SYN1: variants seen among roughly 807,000 people sequenced by gnomAD.
SYN1 encodes the protein synapsin I.
In SYN1, 8 loss-of-function variants were observed where a neutral mutation model predicts 44.6. The observed-to-expected ratio is 0.18, with a 90% confidence interval of 0.11 to 0.32. SYN1 has a LOEUF of 0.32. Ranked by LOEUF, SYN1 falls within the 10% of genes least tolerant of loss-of-function variation. The pLI is 1.00. For synonymous variants in SYN1, 275 were observed against 280.1 expected, an observed-to-expected ratio of 0.98 and a Z score of 0.18; for missense variants, 451 against 639.4, an observed-to-expected ratio of 0.71 and a Z score of 3.18.
Position 47,576,485 on chromosome X carries a change from T to C in SYN1, c.980+13A>G. The C allele has an allele frequency of 8.3e-7, 1 of 1,211,984 alleles. No homozygotes were observed. Among genetic ancestry groups the C allele is most frequent in the Non-Finnish European group, 1.1e-6 (1 of 895,577 alleles). On this transcript the variant is annotated intron_variant, in intron 7 of 12. Coordinates refer to ENST00000295987, the MANE Select transcript of SYN1 (RefSeq NM_006950.3). ...CAGGGGACCCCTTCCAGGGCTTTGG[T>C]CTCTCCACTCACATGTAGGCCTTGT...
At chrX:47,608,825 G>C (rs1489895044) in intron 1 of SYN1, among the ~76,000 whole-genome samples, 1 of 108,461 alleles carries the variant, frequency 9.2e-6, no homozygotes, top group Admixed American at 9.9e-5. Flanking sequence ...AGGGGGATGA[G>C]GGGGAGAGAC....
At chrX:47,596,404 AACCACAAAT>A (rs1438660878) in intron 5 of SYN1, among the ~76,000 whole-genome samples, 16 of 112,676 alleles carry the variant, frequency 1.4e-4, no homozygotes, top group African/African-American at 5.2e-4. Context: ...GAATCTAGAA[AACCACAAAT>A]ACGCATAAGG....
intron 1 of SYN1, among the ~76,000 whole-genome samples, chrX:47,607,960 G>A (rs1203751165): frequency 9.1e-6 from 1 of 110,247 alleles, no homozygotes; most frequent in East Asian, 2.8e-4. Flanking sequence ...GACCCAGGAG[G>A]CGGAAGTTGC....
intron 5 of SYN1, among the ~76,000 whole-genome samples, chrX:47,593,192 C>CG (rs2057853631): frequency 1.8e-5 from 2 of 109,750 alleles, no homozygotes; most frequent in Non-Finnish European, 3.8e-5. Flanking sequence ...CCGTGCTCAC[C>CG]CTTAATGTGG....
At chrX:47,579,664 G>C (rs1358787432) in intron 5 of SYN1, among the ~76,000 whole-genome samples, 3 of 111,543 alleles carry the variant, frequency 2.7e-5, no homozygotes, top group Non-Finnish European at 5.7e-5. Context: ...TGCTGACTCA[G>C]GTTTCAAAGA....
chrX:47,585,405 G>C, intron 5 of SYN1: 1 of 1,201,015 alleles, frequency 8.3e-7, no homozygotes, highest in Non-Finnish European at 1.1e-6. Context: ...ACGAGGGGGC[G>C]AGGCTCTGAT....
At chrX:47,604,834 C>G in intron 5 of SYN1, 144 bp downstream of exon 5, 3 of 555,448 alleles carry the variant, frequency 5.4e-6, no homozygotes, top group Non-Finnish European at 9.2e-6. Context: ...CACGGTAGAC[C>G]CTATCACAAA....
chrX:47,615,655 C>T (rs1355631367), intron 1 of SYN1, among the ~76,000 whole-genome samples: 1 of 111,856 alleles, frequency 8.9e-6, no homozygotes, highest in Non-Finnish European at 1.9e-5. Flanking sequence ...GCCTGTAATC[C>T]CAGCACTCTG....
intron 5 of SYN1, among the ~76,000 whole-genome samples, chrX:47,600,900 T>A (rs2057877785): frequency 8.9e-6 from 1 of 111,741 alleles, no homozygotes; most frequent in Non-Finnish European, 1.9e-5. Context: ...TAAAGGAGAA[T>A]TCATAGTTGT....
intron 5 of SYN1, chrX:47,586,698 C>A (rs1448545773): frequency 8.3e-7 from 1 of 1,206,200 alleles, no homozygotes; most frequent in South Asian, 1.8e-5. Flanking sequence ...CTGAATCCTG[C>A]CCGGAGTGGA....
chrX:47,616,382 T>G (rs2057931470), intron 1 of SYN1, among the ~76,000 whole-genome samples: 1 of 111,259 alleles, frequency 9.0e-6, no homozygotes, highest in African/African-American at 3.3e-5. Context: ...AAAGAAAAAA[T>G]GGAAAACATT....
rs144887633 is a variant in SYN1 at position 47,578,991 on chromosome X, G to A, written c.775-1490C>T. Among the ~76,000 whole-genome samples, 419 of 112,089 alleles carry A rather than the reference G, an allele frequency of 3.7e-3. 3 individuals carry two copies. The highest frequency in any genetic ancestry group is 0.011 in the African/African-American group (352 of 30,803). ...GGCAGCGGGCCAGGGAAACGATGCC[G>A]AGGCGGATGCATACAGTACCACCCA... On this transcript the variant is annotated intron_variant, in intron 5 of 12. Transcript: ENST00000295987.
chrX:47,579,849 G>GCCCCCCCCCCCCCCCCCC (rs140381513), intron 5 of SYN1, among the ~76,000 whole-genome samples: 9 of 83,164 alleles, frequency 1.1e-4, no homozygotes, highest in Non-Finnish European at 1.4e-4. Context: ...TGTTTTTGTC[G>GCCCCCCCCCCCCCCCCCC]CCCCCCCACC....
chrX:47,607,727 G>GAAAA (rs5902397), intron 1 of SYN1, among the ~76,000 whole-genome samples: 21 of 51,724 alleles, frequency 4.1e-4, no homozygotes, highest in African/African-American at 1.3e-3. Flanking sequence ...AAAAAAAATT[G>GAAAA]AAAAAAAAAA....
At chrX:47,588,265 A>G (rs1163091554) in intron 5 of SYN1, among the ~76,000 whole-genome samples, 2 of 112,947 alleles carry the variant, frequency 1.8e-5, no homozygotes, top group East Asian at 5.5e-4. Flanking sequence ...CTGTAAGGTA[A>G]GGGCCCGAGC....
chrX:47,584,863 T>C (rs2057816194), intron 5 of SYN1: 1 of 894,514 alleles, frequency 1.1e-6, no homozygotes, highest in Admixed American at 2.4e-5. Flanking sequence ...GGTATGATGA[T>C]GATGATGATG....
At chrX:47,579,857 A>ACCCCCCCCC (rs2057790639) in intron 5 of SYN1, among the ~76,000 whole-genome samples, 1 of 55,569 alleles carries the variant, frequency 1.8e-5, no homozygotes. Flanking sequence ...TCGCCCCCCC[A>ACCCCCCCCC]CCCTCCCCCC....
chrX:47,574,463 G>C lies in SYN1; in HGVS notation c.1521C>G (p.Arg507=). ...GGGGCGCTGAGGTGGGACTTGGAAG[G>C]CGCTGGGGCAGGGGGCTGCCAGCTG... ...GPPAGSPLPQ[R]LPSPTSAPQQ... is the part of the protein sequence containing the mutation. Residue 507 remains arginine, a synonymous_variant, in exon 12 of 13, where the codon CGC becomes CGG. Transcript: ENST00000295987. The C allele has an allele frequency of 9.3e-7, 1 of 1,073,410 alleles. No homozygotes were observed. The highest frequency in any genetic ancestry group is 1.9e-5 in the African/African-American group (1 of 52,768). The allele number at this position is 1,073,410 out of a possible 1,213,427, so 88.5% of individuals were successfully genotyped here.
At chrX:47,592,337 CAAATAAATAAAT>C (rs149103285) in intron 5 of SYN1, among the ~76,000 whole-genome samples, 56 of 98,625 alleles carry the variant, frequency 5.7e-4, no homozygotes, top group African/African-American at 1.8e-3. Flanking sequence ...GATTTTGTCT[CAAATAAATAAAT>C]AAATAAATAA....
Sources: gnomAD v4.1 joint callset for allele counts (sites outside exome capture counted in the v4.1 genomes callset) on GRCh38, gnomAD v4.1.1 for gene constraint, MANE v1.5 for transcripts, NCBI Gene and HGNC (gene_info 2026-07-23, HGNC 2026-07-21) for gene names.